Variants in ACSS2 observed in about 807,000 individuals in gnomAD.
ACSS2 encodes acyl-CoA synthetase short chain family member 2, also known as acetyl-coenzyme A synthetase, cytoplasmic.
Under a neutral mutation model 90.6 loss-of-function variants are expected in ACSS2, and 58 were observed. The observed-to-expected ratio is 0.64, with a 90% CI of 0.52 to 0.80. The LOEUF is 0.80. ACSS2 is among the 30% of genes least tolerant of loss of function. The pLI is 0.00. For missense variants in ACSS2, 759 were observed against 912.0 expected (o/e 0.83, Z 2.16); for synonymous variants, 300 against 330.9 (o/e 0.91, Z 1.01).
chr20:34,906,057 C>G (rs552637551), intron 2 of ACSS2, among the ~76,000 whole-genome samples: 2 of 152,160 alleles, frequency 1.3e-5, no homozygotes, highest in Non-Finnish European at 2.9e-5. Flanking sequence ...ATATCCTGGC[C>G]GGGCGCGGTG....
At chr20:34,884,837 T>C (rs2080151462) in intron 2 of ACSS2, among the ~76,000 whole-genome samples, 1 of 152,162 alleles carries the variant, frequency 6.6e-6, no homozygotes, top group African/African-American at 2.4e-5. Flanking sequence ...GGCAAGAGGG[T>C]TGCTTGAGCT....
chr20:34,910,084 C>T (rs995761639), intron 2 of ACSS2, among the ~76,000 whole-genome samples: 3 of 150,426 alleles, frequency 2.0e-5, no homozygotes, highest in Non-Finnish European at 4.4e-5. Flanking sequence ...TGCGATGGCA[C>T]GGTCTCAGCT....
Position 34,927,468 on chromosome 20 carries a change from G to A in ACSS2, c.*254G>A, listed in dbSNP as rs531875783. Reference sequence around the variant, plus strand: ...AGCTCTCAGAACCCAGAACAGAGACGAAAAGGCTACCTCTCCTACCCAAGT... The same window carrying A: ...AGCTCTCAGAACCCAGAACAGAGACAAAAAGGCTACCTCTCCTACCCAAGT... On this transcript the variant is annotated 3_prime_UTR_variant, in exon 18 of 18. Transcript: ENST00000360596. This position sits in a 1 kb window ranked among gnomAD's most constrained non-coding sequence, Gnocchi z 4.2. 14 of 536,276 alleles carry A rather than the reference G, an allele frequency of 2.6e-5. No homozygotes were observed. Among genetic ancestry groups the A allele is most frequent in the African/African-American group, 1.5e-4 (8 of 52,854 alleles). 33.2% of individuals were successfully genotyped at this position (536,276 alleles called of 1,614,324 possible). A position where few individuals can be genotyped will look rare whatever the true frequency, so the allele number is the denominator to read the frequency against.
At chr20:34,882,768 T>C (rs200746034) in intron 1 of ACSS2, 26 bp from the exon 2 acceptor site, 2 of 1,606,300 alleles carry the variant, frequency 1.2e-6, no homozygotes, top group Admixed American at 1.7e-5. Context: ...AGATTAATGA[T>C]ATCTGGGCTT....
intron 1 of ACSS2, among the ~76,000 whole-genome samples, chr20:34,877,039 C>G (rs1601264415): frequency 6.6e-6 from 1 of 152,016 alleles, no homozygotes; most frequent in Non-Finnish European, 1.5e-5. Context: ...TTGGAGGGTC[C>G]GTGGTGGAGA....
chr20:34,878,760 G>C (rs1396955684), intron 1 of ACSS2, among the ~76,000 whole-genome samples: 1 of 152,000 alleles, frequency 6.6e-6, no homozygotes, highest in African/African-American at 2.4e-5. Flanking sequence ...GCCTAGTTTC[G>C]CCAACTTGAG....
intron 2 of ACSS2, among the ~76,000 whole-genome samples, chr20:34,888,771 G>A (rs565965112): frequency 6.6e-6 from 1 of 152,304 alleles, no homozygotes; most frequent in South Asian, 2.1e-4. Context: ...AGTATGGAGT[G>A]TGCCACGCAG....
chr20:34,888,014 G>A (rs950341628), intron 2 of ACSS2, among the ~76,000 whole-genome samples: 2 of 142,112 alleles, frequency 1.4e-5, no homozygotes, highest in African/African-American at 5.4e-5. Flanking sequence ...AGGTTGCAGT[G>A]AGCCGAGATC....
At chr20:34,909,436 G>A (rs983119478) in intron 2 of ACSS2, among the ~76,000 whole-genome samples, 2 of 152,044 alleles carry the variant, frequency 1.3e-5, no homozygotes, top group Non-Finnish European at 2.9e-5. Flanking sequence ...ATGATATCAA[G>A]GTATATTGTT....
At chr20:34,908,370 C>T (rs1404734423) in intron 2 of ACSS2, among the ~76,000 whole-genome samples, 2 of 152,118 alleles carry the variant, frequency 1.3e-5, no homozygotes, top group African/African-American at 4.8e-5. Context: ...GCCATACTGT[C>T]TTTCTTTCTT....
At chr20:34,903,855 A>G (rs1278840952) in intron 2 of ACSS2, among the ~76,000 whole-genome samples, 1 of 141,300 alleles carries the variant, frequency 7.1e-6, no homozygotes, top group Non-Finnish European at 1.5e-5. Context: ...TGGGCAACAT[A>G]GTGAGACATT....
intron 2 of ACSS2, among the ~76,000 whole-genome samples, chr20:34,906,115 C>T (rs565742981): frequency 1.3e-5 from 2 of 152,274 alleles, no homozygotes; most frequent in African/African-American, 4.8e-5. Context: ...GCGGGTGGAT[C>T]ACAAGGTCAA....
chr20:34,897,760 C>T (rs986218632), intron 2 of ACSS2, among the ~76,000 whole-genome samples: 7 of 151,734 alleles, frequency 4.6e-5, no homozygotes, highest in Non-Finnish European at 7.4e-5. Flanking sequence ...ACCCAGGAGA[C>T]GGAGGTTGCA....
rs577698047 is a variant in ACSS2 at position 34,920,418 on chromosome 20, A to G, written c.973-121A>G. ...GATGGAAGGGAGATGGATGCTGTGA[A>G]AAGGGTGCTGGCAGGGCTGGAATCC... is the stretch of plus-strand genomic sequence containing the variant. On this transcript the variant is annotated intron_variant, in intron 8 of 17. Coordinates refer to ENST00000360596, the MANE Select transcript of ACSS2 (RefSeq NM_018677.4). 31 of 923,314 alleles carry G rather than the reference A, an allele frequency of 3.4e-5. No individual in the cohort carries two copies. In the African/African-American group the frequency reaches 5.1e-4, roughly 15 times the overall value. The allele number at this position is 923,314 out of a possible 1,614,324, so 57.2% of individuals were successfully genotyped here.
chr20:34,894,536 A>C (rs2080417613), intron 2 of ACSS2, among the ~76,000 whole-genome samples: 1 of 152,026 alleles, frequency 6.6e-6, no homozygotes, highest in Non-Finnish European at 1.5e-5. Flanking sequence ...ATGGTCATGC[A>C]TGCCTGTGGT....
chr20:34,898,430 C>T (rs1003454471), intron 2 of ACSS2, among the ~76,000 whole-genome samples: 1 of 152,166 alleles, frequency 6.6e-6, no homozygotes, highest in Non-Finnish European at 1.5e-5. Context: ...CTCCAAGTCC[C>T]CACCAGAGTA....
intron 2 of ACSS2, among the ~76,000 whole-genome samples, chr20:34,907,598 T>C (rs889039367): frequency 1.3e-5 from 2 of 152,260 alleles, no homozygotes; most frequent in African/African-American, 4.8e-5. Flanking sequence ...TGTATATTTA[T>C]ATGTGATTTT....
chr20:34,878,295 CAT>C (rs768981979), intron 1 of ACSS2, among the ~76,000 whole-genome samples: 6 of 152,172 alleles, frequency 3.9e-5, no homozygotes, highest in Non-Finnish European at 5.9e-5. Context: ...GTGGGACAAA[CAT>C]GGGCCACGAA....
chr20:34,883,796 G>T (rs959806391), intron 2 of ACSS2, among the ~76,000 whole-genome samples: 2 of 152,164 alleles, frequency 1.3e-5, no homozygotes, highest in African/African-American at 4.8e-5. Context: ...AAATTTCTAA[G>T]ACTGCTTCTC....
Sources: allele counts gnomAD v4.1 joint callset (sites outside exome capture counted in the v4.1 genomes callset), GRCh38; gene constraint gnomAD v4.1.1; non-coding constraint Gnocchi (gnomAD v3.1); transcripts MANE v1.5; gene names NCBI Gene and HGNC (gene_info 2026-07-23, HGNC 2026-07-21).